The following BRD3 variants were observed in gnomAD, a reference collection of about 807,000 sequenced individuals.
The protein encoded by BRD3 is bromodomain containing 3, also known as bromodomain-containing protein 3.
Under a neutral mutation model 66.8 loss-of-function variants are expected in BRD3, and 17 were observed. That is an observed-to-expected ratio of 0.25 (90% CI 0.17 to 0.38). BRD3 has a LOEUF of 0.38. Among genes scored for constraint, BRD3 ranks in the 10% least tolerant of loss-of-function variants. The probability of loss-of-function intolerance (pLI) is 1.00; values close to 1 mark genes in which losing one functional copy is unlikely to be tolerated. For synonymous variants in BRD3, 421 were observed against 393.2 expected (o/e 1.07, Z -0.84); for missense variants, 713 against 956.1 (o/e 0.75, Z 3.35).
chr9:134,068,108 G>C (rs1489425676), upstream of BRD3: 155 of 143,340 alleles, frequency 1.1e-3, no homozygotes, highest in African/African-American at 3.7e-3. Context: ...GGCCCGCGCC[G>C]GGGCCGCCCA....
At chr9:134,040,330 G>A in intron 8 of BRD3, 61 bp from the exon 9 acceptor site, 2 of 1,535,424 alleles carry the variant, frequency 1.3e-6, no homozygotes, top group Non-Finnish European at 1.8e-6. Context: ...GGGGCTGCGT[G>A]GCGCCCTGGG....
At position 134,045,207 on chromosome 9, in the gene BRD3, T is replaced by C. The variant is rs539795822; in HGVS notation, c.1215+86A>G. The stretch of plus-strand genomic sequence containing the variant: ...CTCTAAGGCCTTCCTCGGCTGGACA[T>C]TCACCTGGGCGCTTACCCCACACTG... On this transcript the variant is annotated intron_variant, in intron 7 of 11. Coordinates refer to ENST00000303407, the MANE Select transcript of BRD3 (RefSeq NM_007371.4). This position sits in a 1 kb window ranked among gnomAD's most constrained non-coding sequence, Gnocchi z 4.8. 1.2e-5 allele frequency: 19 copies of C among 1,554,264 alleles called. No homozygotes were observed. The African/African-American group carries it at 1.4e-4, about 11-fold the overall frequency.
At chr9:134,035,931 G>T in intron 10 of BRD3, 101 bp downstream of exon 10, 1 of 1,459,504 alleles carries the variant, frequency 6.9e-7, no homozygotes, top group Non-Finnish European at 9.2e-7. Flanking sequence ...TGGCAGCCCT[G>T]TGCCCAAGCT....
rs897169818 is a variant in BRD3 at position 134,033,003 on chromosome 9, C to G, written c.*587G>C. 1 of 397,716 alleles carries G rather than the reference C, an allele frequency of 2.5e-6. No homozygotes were observed. The highest frequency in any genetic ancestry group is 2.1e-5 in the African/African-American group (1 of 48,588). 24.6% of individuals were successfully genotyped at this position (397,716 alleles called of 1,614,324 possible). A position where few individuals can be genotyped will look rare whatever the true frequency, so the allele number is the denominator to read the frequency against. ...AGAACGCACATCCCACCCGACCACC[C>G]CCCAAGGGCTCCACGCTCCGGGCTG... On this transcript the variant is annotated 3_prime_UTR_variant, in exon 12 of 12. Coordinates refer to ENST00000303407, the MANE Select transcript of BRD3 (RefSeq NM_007371.4). This position sits in a 1 kb window ranked among gnomAD's most constrained non-coding sequence, Gnocchi z 5.1.
At chr9:134,048,618 C>T (rs1830227053) in intron 5 of BRD3, among the ~76,000 whole-genome samples, 164 bp from the exon 6 acceptor site, 1 of 152,222 alleles carries the variant, frequency 6.6e-6, no homozygotes, top group Non-Finnish European at 1.5e-5. Flanking sequence ...GGCCATGTCA[C>T]TGGCCCAAGG....
intron 8 of BRD3, 22 bp from the exon 9 acceptor site, chr9:134,040,291 A>G (rs1830016916): frequency 6.3e-7 from 1 of 1,582,152 alleles, no homozygotes; most frequent in African/African-American, 1.3e-5. Context: ...CGGGCGGCTG[A>G]GCAGGTGCTG....
chr9:134,041,640 A>T, intron 8 of BRD3, 120 bp downstream of exon 8: 1 of 1,292,154 alleles, frequency 7.7e-7, no homozygotes, highest in Non-Finnish European at 1.1e-6. Context: ...GGGAAGCACT[A>T]CCGCGGCTGC....
chr9:134,040,325 T>C (rs1830017940), intron 8 of BRD3, 56 bp from the exon 9 acceptor site: 1 of 1,540,892 alleles, frequency 6.5e-7, no homozygotes, highest in Non-Finnish European at 8.7e-7. Flanking sequence ...CCACTGGGGC[T>C]GCGTGGCGCC....
chr9:134,055,872 TG>T (rs1465715710), intron 1 of BRD3: 1 of 152,364 alleles, frequency 6.6e-6, no homozygotes, highest in East Asian at 1.9e-4. Context: ...CAGCTCAACA[TG>T]GGGGCCTGCT....
intron 1 of BRD3, among the ~76,000 whole-genome samples, chr9:134,061,837 T>C (rs1482076366): frequency 1.3e-5 from 2 of 152,088 alleles, no homozygotes; most frequent in Non-Finnish European, 2.9e-5. Context: ...CTCGGGATAA[T>C]GCTGGGAGCA....
rs1188803328 is a variant in BRD3, at chr9:134,033,677, G to T, written c.2094C>A (p.Gly698=). 6 of 760,376 alleles carry T rather than the reference G, an allele frequency of 7.9e-6. No individual in the cohort carries two copies. In the East Asian group the frequency reaches 1.5e-4, roughly 19 times the overall value. 47.1% of individuals were successfully genotyped at this position (760,376 alleles called of 1,614,324 possible). A position where few individuals can be genotyped will look rare whatever the true frequency, so the allele number is the denominator to read the frequency against. Residue 698 remains glycine (G), a synonymous_variant, in exon 12 of 12, where the codon GGC becomes GGA. Transcript: ENST00000303407. This position sits in a 1 kb window ranked among gnomAD's most constrained non-coding sequence, Gnocchi z 5.1. The part of the protein sequence containing the change: ...KEKPGSAPSG[G]PSRLSSSSSS... The stretch of plus-strand genomic sequence containing the variant: ...AGCTGCTGCTGCTGAGCCTGGACGG[G>T]CCCCCTGAGGGTGCTGAGCCGGGCT...
chr9:134,063,385 G>C (rs1428423657), intron 1 of BRD3, among the ~76,000 whole-genome samples: 1 of 152,208 alleles, frequency 6.6e-6, no homozygotes, highest in African/African-American at 2.4e-5. Context: ...CCTGTGGTGT[G>C]GGCAGATGGG....
chr9:134,051,869 GTGTGTGTGTTGTTTTTT>G lies in BRD3; in HGVS notation c.352-177_352-161del, dbSNP rs1242238630. The stretch of plus-strand genomic sequence containing the variant: ...TATATGTGTGTGTGTGTGTGTGTGT[GTGTGTGTGTTGTTTTTT>G]TTGTTTTTTTTTTTTTTTTTTTGAG... On this transcript the variant is annotated intron_variant, in intron 3 of 11. Coordinates refer to ENST00000303407, the MANE Select transcript of BRD3 (RefSeq NM_007371.4). Among the ~76,000 whole-genome samples, 94 of 110,030 alleles carry G rather than the reference GTGTGTGTGTTGTTTTTT, an allele frequency of 8.5e-4. 2 individuals are homozygous for G. Among genetic ancestry groups the G allele is most frequent in the African/African-American group, 4.0e-3 (88 of 22,018 alleles). The allele number at this position is 110,030 out of a possible 152,430, so 72.2% of individuals were successfully genotyped here. A position where few individuals can be genotyped will look rare whatever the true frequency, so the allele number is the denominator to read the frequency against.
In BRD3 at chr9:134,051,868, TGTGTGTGTGTTG is replaced by T. The variant is rs1830306986; in HGVS notation, c.352-171_352-160del. On this transcript the variant is annotated intron_variant, in intron 3 of 11. Transcript: ENST00000303407. ...ATATATGTGTGTGTGTGTGTGTGTGTGTGTGTGTGTTGTTTTTTTTGTTTTTTTTTTTTTTTT... is the reference window on the plus strand; with the variant it reads ...ATATATGTGTGTGTGTGTGTGTGTGTTTTTTTTTGTTTTTTTTTTTTTTTT... Among the ~76,000 whole-genome samples the T allele has an allele frequency of 1.8e-5, 2 of 114,036 alleles. 1 individual carries two copies. The highest frequency in any genetic ancestry group is 7.9e-5 in the African/African-American group (2 of 25,216). 74.8% of individuals were successfully genotyped at this position (114,036 alleles called of 152,430 possible).
At chr9:134,063,049 C>T (rs1830577732) in intron 1 of BRD3, among the ~76,000 whole-genome samples, 1 of 152,214 alleles carries the variant, frequency 6.6e-6, no homozygotes, top group African/African-American at 2.4e-5. Context: ...AACACCCCGG[C>T]CCCAGGAGAC....
At chr9:134,051,872 TGTGTGTTGTTTTTTTTG>T (rs1830308165) in intron 3 of BRD3, among the ~76,000 whole-genome samples, 163 bp from the exon 4 acceptor site, 1 of 108,228 alleles carries the variant, frequency 9.2e-6, no homozygotes, top group African/African-American at 4.7e-5. Flanking sequence ...TGTGTGTGTG[TGTGTGTTGTTTTTTTTG>T]TTTTTTTTTT....
intron 1 of BRD3, among the ~76,000 whole-genome samples, chr9:134,063,131 C>T (rs973698700): frequency 2.6e-5 from 4 of 152,270 alleles, no homozygotes; most frequent in African/African-American, 9.6e-5. Context: ...CCGCAGCTCT[C>T]AGACCATCCC....
chr9:134,036,036 C>A lies in BRD3; in HGVS notation c.1932G>T (p.Pro644=). The change falls in exon 10 of 12, where the codon CCG becomes CCT. Residue 644 remains proline (P), a synonymous_variant. Transcript: ENST00000303407. ...CGCTCCACGCAGGCAACTTACAGAA[C>A]GGTTTCCTTTGCTTTTTCTGTAAAC... The part of the protein sequence containing the change: ...KSCLQKKQRK[P]FSASGKKQAA... 1 of 1,598,518 alleles carries A rather than the reference C, an allele frequency of 6.3e-7. No homozygotes were observed. The highest frequency in any genetic ancestry group is 8.5e-7 in the Non-Finnish European group (1 of 1,171,030).
intron 9 of BRD3, among the ~76,000 whole-genome samples, chr9:134,037,389 G>A (rs1471567763): frequency 6.6e-6 from 1 of 152,134 alleles, no homozygotes; most frequent in Non-Finnish European, 1.5e-5. Context: ...CTGGCCAAAT[G>A]GTGAAACCCT....
Sources: gnomAD v4.1 joint callset for allele counts (sites outside exome capture counted in the v4.1 genomes callset) on GRCh38, gnomAD v4.1.1 for gene constraint, Gnocchi (gnomAD v3.1) non-coding constraint, MANE v1.5 for transcripts, NCBI Gene and HGNC (gene_info 2026-07-23, HGNC 2026-07-21) for gene names.